HDAC9: variants seen among roughly 807,000 people sequenced by gnomAD.
HDAC9 encodes the protein histone deacetylase 9.
HDAC9 carries 41 observed loss-of-function variants against 139.4 expected under a neutral mutation model. The observed-to-expected ratio is 0.29, with a 90% CI of 0.23 to 0.38. HDAC9 has a LOEUF of 0.38. HDAC9 is among the 10% of genes least tolerant of loss of function. HDAC9 has a pLI of 1.00. For missense variants in HDAC9, 1,147 were observed against 1,297.0 expected (o/e 0.88, Z 1.78); for synonymous variants, 517 against 476.2 (o/e 1.09, Z -1.12).
intron 21 of HDAC9, among the ~76,000 whole-genome samples, chr7:18,862,192 G>A (rs1452028123): frequency 6.6e-6 from 1 of 152,148 alleles, no homozygotes; most frequent in African/African-American, 2.4e-5. Flanking sequence ...CAAATCAGTG[G>A]ATATGTAGGC....
chr7:18,537,401 T>C (rs955705362), intron 2 of HDAC9, among the ~76,000 whole-genome samples: 2 of 152,148 alleles, frequency 1.3e-5, no homozygotes, highest in Non-Finnish European at 2.9e-5. Context: ...CGAATTGCAT[T>C]TTACAGTGAT....
intron 13 of HDAC9, among the ~76,000 whole-genome samples, chr7:18,745,740 G>C (rs974076474): frequency 3.3e-5 from 5 of 151,242 alleles, no homozygotes; most frequent in African/African-American, 1.2e-4. Flanking sequence ...TAGAGACGGG[G>C]TTTCACCTTG....
At chr7:18,809,957 C>T (rs181003613) in intron 17 of HDAC9, among the ~76,000 whole-genome samples, 65 of 151,852 alleles carry the variant, frequency 4.3e-4, no homozygotes, top group African/African-American at 1.4e-3. Context: ...AGGCAAGATA[C>T]GGAAAAAACC....
At chr7:18,249,661 C>G (rs1046842084) in intron 2 of HDAC9, among the ~76,000 whole-genome samples, 5 of 152,064 alleles carry the variant, frequency 3.3e-5, no homozygotes, top group African/African-American at 7.2e-5. Context: ...ATTCTACCCC[C>G]AAATTAACTC....
At chr7:18,535,058 G>A (rs760985501) in intron 2 of HDAC9, among the ~76,000 whole-genome samples, 4 of 152,166 alleles carry the variant, frequency 2.6e-5, no homozygotes, top group Non-Finnish European at 5.9e-5. Context: ...CTCACTCACT[G>A]CAGTTACTTC....
At chr7:18,197,108 C>A (rs1454320304) in intron 2 of HDAC9, among the ~76,000 whole-genome samples, 3 of 152,160 alleles carry the variant, frequency 2.0e-5, no homozygotes, top group Non-Finnish European at 4.4e-5. Flanking sequence ...AGTCTTTAAA[C>A]TGGGACATTG....
chr7:18,625,350 C>T (rs1841389835), intron 6 of HDAC9, among the ~76,000 whole-genome samples: 2 of 152,118 alleles, frequency 1.3e-5, no homozygotes, highest in Non-Finnish European at 1.5e-5. Context: ...CAGAGCAGTA[C>T]AATTATTAAC....
At chr7:18,738,918 T>C (rs1787181497) in intron 13 of HDAC9, among the ~76,000 whole-genome samples, 1 of 152,228 alleles carries the variant, frequency 6.6e-6, no homozygotes, top group Non-Finnish European at 1.5e-5. Context: ...AGATTTGGTC[T>C]TTTCACATAG....
chr7:18,851,473 C>G (rs774694615), intron 21 of HDAC9: 1 of 152,500 alleles, frequency 6.6e-6, no homozygotes, highest in Non-Finnish European at 1.5e-5. Flanking sequence ...TGAGGCCTCC[C>G]CAGCAATGTG....
intron 1 of HDAC9, among the ~76,000 whole-genome samples, chr7:18,290,728 T>C (rs1221041801): frequency 6.6e-6 from 1 of 152,218 alleles, no homozygotes; most frequent in Non-Finnish European, 1.5e-5. Context: ...ACTCTGAGAA[T>C]GCCTTTATTA....
chr7:18,087,595 G>T (rs975107634), intron 1 of HDAC9, among the ~76,000 whole-genome samples: 1 of 151,528 alleles, frequency 6.6e-6, no homozygotes, highest in African/African-American at 2.4e-5. Context: ...ACGCTTATTG[G>T]GGGGTACCTT....
intron 2 of HDAC9, among the ~76,000 whole-genome samples, chr7:18,207,055 C>A (rs1791569936): frequency 6.6e-6 from 1 of 151,840 alleles, no homozygotes; most frequent in African/African-American, 2.4e-5. Context: ...CCAGCCCCAG[C>A]CTCCCAAGTA....
intron 24 of HDAC9, among the ~76,000 whole-genome samples, chr7:18,968,941 A>G (rs1784066054): frequency 8.7e-6 from 1 of 115,006 alleles, no homozygotes; most frequent in South Asian, 3.2e-4. Flanking sequence ...CCTGGACGAC[A>G]GAGCGAGCCT....
At chr7:18,323,672 G>C (rs1002220297) in intron 1 of HDAC9, among the ~76,000 whole-genome samples, 1 of 152,152 alleles carries the variant, frequency 6.6e-6, no homozygotes, top group Non-Finnish European at 1.5e-5. Flanking sequence ...CAAGTCTTAA[G>C]CTTTTGACAC....
At chr7:18,458,825 C>A (rs1249613685) in intron 1 of HDAC9, 1 of 1,531,076 alleles carries the variant, frequency 6.5e-7, no homozygotes. Context: ...TTCAACCTGA[C>A]TTTCTTATCC....
At position 18,727,701 on chromosome 7, in the gene HDAC9, CCT is replaced by C; in HGVS notation, c.1856_1857del (p.Ser619CysfsTer22). The stretch of plus-strand genomic sequence containing the variant: ...TCCAGGACTCACTCTTCCCCTGCTG[CCT>C]CTGTTTTACCTCACCCAGCAATGGA... On this transcript the variant is annotated frameshift_variant, in exon 13 of 26. Coordinates refer to ENST00000686413, the MANE Select transcript of HDAC9 (RefSeq NM_178425.4). LOFTEE classifies it high-confidence loss of function. 1 of 1,583,164 alleles carries C rather than the reference CCT, an allele frequency of 6.3e-7. No homozygotes were observed. Among genetic ancestry groups the C allele is most frequent in the Non-Finnish European group, 8.6e-7 (1 of 1,169,092 alleles).
chr7:18,552,299 C>G (rs565346698), intron 2 of HDAC9, among the ~76,000 whole-genome samples: 3 of 151,704 alleles, frequency 2.0e-5, no homozygotes, highest in Non-Finnish European at 2.9e-5. Flanking sequence ...TTTTTTTGAG[C>G]CTGCAGACTA....
At chr7:18,480,157 G>GT (rs1236603886) in intron 1 of HDAC9, among the ~76,000 whole-genome samples, 2 of 151,786 alleles carry the variant, frequency 1.3e-5, no homozygotes, top group African/African-American at 4.8e-5. Flanking sequence ...TTAGCTACTA[G>GT]TTGTTGATTA....
intron 1 of HDAC9, among the ~76,000 whole-genome samples, chr7:18,368,505 CTATGTT>C (rs1264194607): frequency 1.3e-5 from 2 of 151,828 alleles, no homozygotes; most frequent in African/African-American, 2.4e-5. Context: ...CTCATGTACA[CTATGTT>C]TATAGAGCAA....
Sources: allele counts gnomAD v4.1 joint callset (sites outside exome capture counted in the v4.1 genomes callset), GRCh38; gene constraint gnomAD v4.1.1; transcripts MANE v1.5; gene names NCBI Gene and HGNC (gene_info 2026-07-23, HGNC 2026-07-21).